ANO10: variants seen among roughly 807,000 people sequenced by gnomAD.
The protein encoded by ANO10 is anoctamin-10.
In ANO10, 77 loss-of-function variants were observed where a neutral mutation model predicts 74.7. The ratio of observed to expected loss-of-function variants is 1.03; its 90% CI spans 0.86 to 1.25. The LOEUF (loss-of-function observed/expected upper bound fraction) is 1.25. Ranked by LOEUF, ANO10 falls within the 50% of genes most tolerant of loss-of-function variation. The probability of loss-of-function intolerance (pLI) is 0.00; values close to 1 mark genes in which losing one functional copy is unlikely to be tolerated. For missense variants in ANO10, 721 were observed against 778.1 expected (o/e 0.93, Z 0.87); for synonymous variants, 279 against 284.9 (o/e 0.98, Z 0.21).
At chr3:43,417,310 A>C (rs1360153379) in intron 12 of ANO10, among the ~76,000 whole-genome samples, 1 of 152,174 alleles carries the variant, frequency 6.6e-6, no homozygotes, top group East Asian at 1.9e-4. Flanking sequence ...AGGAGACAAG[A>C]TGGCGCTGGC....
chr3:43,681,881 T>C (rs1405212155), intron 1 of ANO10, among the ~76,000 whole-genome samples: 3 of 151,870 alleles, frequency 2.0e-5, no homozygotes, highest in African/African-American at 4.8e-5. Flanking sequence ...TTGAAACCAA[T>C]GAGAACAAAG....
At chr3:43,527,253 C>T (rs2078246901) in intron 11 of ANO10, among the ~76,000 whole-genome samples, 1 of 152,022 alleles carries the variant, frequency 6.6e-6, no homozygotes, top group African/African-American at 2.4e-5. Context: ...ATCCAGCATG[C>T]TCCTTACAGA....
intron 11 of ANO10, among the ~76,000 whole-genome samples, chr3:43,506,240 T>A (rs557768578): frequency 2.6e-5 from 4 of 152,202 alleles, no homozygotes; most frequent in Non-Finnish European, 5.9e-5. Flanking sequence ...CTGAGGGTCA[T>A]CTGTGATGCC....
chr3:43,555,613 TG>T, intron 9 of ANO10, 144 bp from the exon 10 acceptor site: 1 of 727,496 alleles, frequency 1.4e-6, no homozygotes, highest in Non-Finnish European at 2.3e-6. Context: ...CTCCAACTTC[TG>T]ACACCCTCAG....
At chr3:43,459,360 ATCATCCAAT>A (rs558667463) in intron 11 of ANO10, among the ~76,000 whole-genome samples, 1 of 152,298 alleles carries the variant, frequency 6.6e-6, no homozygotes, top group Admixed American at 6.5e-5. Context: ...CAAATTGAGC[ATCATCCAAT>A]TCAGTAAGTA....
chr3:43,584,370 G>A (rs1427902279), intron 4 of ANO10, among the ~76,000 whole-genome samples: 1 of 152,148 alleles, frequency 6.6e-6, no homozygotes, highest in African/African-American at 2.4e-5. Flanking sequence ...GCCATAATGT[G>A]GCTTTAATAG....
chr3:43,687,244 C>G (rs749566956), intron 1 of ANO10, among the ~76,000 whole-genome samples: 11 of 152,224 alleles, frequency 7.2e-5, no homozygotes, highest in Non-Finnish European at 1.5e-4. Flanking sequence ...CTGGGCAACA[C>G]AGTGAGACCT....
At chr3:43,529,354 T>C (rs561078326) in intron 11 of ANO10, among the ~76,000 whole-genome samples, 34 of 152,324 alleles carry the variant, frequency 2.2e-4, no homozygotes, top group African/African-American at 7.7e-4. Flanking sequence ...TTGAGAACTC[T>C]TCTTGAGAAA....
At chr3:43,574,621 T>A (rs993610975) in intron 7 of ANO10, among the ~76,000 whole-genome samples, 188 bp downstream of exon 7, 8 of 152,146 alleles carry the variant, frequency 5.3e-5, no homozygotes, top group Admixed American at 2.6e-4. Context: ...AAGTCTTACA[T>A]CACATGCACA....
intron 1 of ANO10, among the ~76,000 whole-genome samples, chr3:43,636,946 T>C (rs1455980312): frequency 1.3e-5 from 2 of 151,856 alleles, no homozygotes; most frequent in Non-Finnish European, 2.9e-5. Context: ...AGTGGATCCT[T>C]GAGCCCTGGA....
intron 1 of ANO10, among the ~76,000 whole-genome samples, chr3:43,660,110 C>G (rs2083908291): frequency 6.6e-6 from 1 of 152,176 alleles, no homozygotes; most frequent in Admixed American, 6.5e-5. Flanking sequence ...CATCAAAGAT[C>G]AAAGGTAGAT....
At chr3:43,595,830 T>C (rs1296617412) in intron 4 of ANO10, among the ~76,000 whole-genome samples, 1 of 152,200 alleles carries the variant, frequency 6.6e-6, no homozygotes, top group Non-Finnish European at 1.5e-5. Flanking sequence ...TTGTCCCTGT[T>C]TGTAGATAAC....
chr3:43,556,747 T>C (rs910684891), intron 9 of ANO10, among the ~76,000 whole-genome samples: 1 of 152,114 alleles, frequency 6.6e-6, no homozygotes, highest in Non-Finnish European at 1.5e-5. Flanking sequence ...TGTTATTTAC[T>C]AAAAACACGG....
chr3:43,534,164 TAAAG>T (rs2078595417), intron 11 of ANO10, among the ~76,000 whole-genome samples: 1 of 152,176 alleles, frequency 6.6e-6, no homozygotes, highest in African/African-American at 2.4e-5. Flanking sequence ...AAAATTTAAA[TAAAG>T]AAGATAATTA....
At chr3:43,658,538 C>T (rs532706339) in intron 1 of ANO10, among the ~76,000 whole-genome samples, 1 of 152,100 alleles carries the variant, frequency 6.6e-6, no homozygotes, top group Non-Finnish European at 1.5e-5. Context: ...GGTGCGATCT[C>T]AGCTCACTGC....
intron 7 of ANO10, among the ~76,000 whole-genome samples, chr3:43,568,134 C>G (rs1490124457): frequency 6.7e-6 from 1 of 148,562 alleles, no homozygotes; most frequent in Non-Finnish European, 1.5e-5. Context: ...GAAGAGCTAA[C>G]TATCCTAAAT....
At chr3:43,431,155 C>T (rs1347269958) in intron 12 of ANO10, among the ~76,000 whole-genome samples, 1 of 151,894 alleles carries the variant, frequency 6.6e-6, no homozygotes, top group Non-Finnish European at 1.5e-5. Context: ...TCATTACAGC[C>T]TTGACCTTCT....
chr3:43,480,303 A>T (rs565664965), intron 11 of ANO10, among the ~76,000 whole-genome samples: 1 of 152,366 alleles, frequency 6.6e-6, no homozygotes, highest in South Asian at 2.1e-4. Flanking sequence ...ATTCTCAAAG[A>T]AATAATTCAA....
In ANO10 at chr3:43,561,215, CT is replaced by C. The variant is rs1163756631; in HGVS notation, c.1476+4del. ...AATGTTTAATTCAGCAATATTCCAA[CT>C]TACCAAATAAGTTCCCATTTCTTTT... On this transcript the variant is annotated splice_donor_region_variant and intron_variant, in intron 9 of 12. Coordinates refer to ENST00000292246, the MANE Select transcript of ANO10 (RefSeq NM_018075.5). The C allele has an allele frequency of 1.9e-6, 3 of 1,614,086 alleles. No homozygotes were observed. Among genetic ancestry groups the C allele is most frequent in the Non-Finnish European group, 2.5e-6 (3 of 1,179,936 alleles).
Sources: gnomAD v4.1 joint callset for allele counts (sites outside exome capture counted in the v4.1 genomes callset) on GRCh38, gnomAD v4.1.1 for gene constraint, MANE v1.5 for transcripts, NCBI Gene and HGNC (gene_info 2026-07-23, HGNC 2026-07-21) for gene names.